KCTD5: variants seen among roughly 807,000 people sequenced by gnomAD.
KCTD5 encodes BTB/POZ domain-containing protein KCTD5.
KCTD5 carries 12 observed loss-of-function variants against 27.9 expected under a neutral mutation model. That is an observed-to-expected ratio of 0.43 (90% CI 0.28 to 0.70). KCTD5 has a LOEUF of 0.70. Among genes scored for constraint, KCTD5 ranks in the 30% least tolerant of loss-of-function variants. The pLI is 0.19. For synonymous variants in KCTD5, 147 were observed against 121.4 expected, an observed-to-expected ratio of 1.21 and a Z score of -1.39; for missense variants, 226 against 274.8, an observed-to-expected ratio of 0.82 and a Z score of 1.26.
intron 1 of KCTD5, among the ~76,000 whole-genome samples, chr16:2,688,218 TAAATAAATAA>T (rs1409782502): frequency 4.0e-4 from 27 of 67,520 alleles, no homozygotes; most frequent in Admixed American, 7.8e-4. Context: ...ATTAAATAAA[TAAATAAATAA>T]ATATATATAT....
intron 4 of KCTD5, among the ~76,000 whole-genome samples, chr16:2,701,363 C>G (rs1034554153): frequency 1.3e-5 from 2 of 152,312 alleles, no homozygotes; most frequent in South Asian, 4.1e-4. Flanking sequence ...TGGGACCCTG[C>G]GGGGTGCTGG....
At chr16:2,688,224 A>ATATATATAT (rs1567193086) in intron 1 of KCTD5, among the ~76,000 whole-genome samples, 11 of 79,570 alleles carry the variant, frequency 1.4e-4, no homozygotes, top group African/African-American at 4.3e-4. Context: ...TAAATAAATA[A>ATATATATAT]ATAAATATAT....
chr16:2,701,951 G>A (rs919346015), intron 4 of KCTD5, among the ~76,000 whole-genome samples: 1 of 152,190 alleles, frequency 6.6e-6, no homozygotes, highest in African/African-American at 2.4e-5. Flanking sequence ...CTCCTCCAGC[G>A]GCTTTCGGTC....
At chr16:2,705,485 TCGTGCCGCC>T (rs1166455262) in intron 5 of KCTD5, among the ~76,000 whole-genome samples, 4 of 152,126 alleles carry the variant, frequency 2.6e-5, no homozygotes, top group Non-Finnish European at 5.9e-5. Flanking sequence ...GGAGTGCCAC[TCGTGCCGCC>T]AGCCCTAGTG....
chr16:2,698,552 C>G (rs1233021696), intron 3 of KCTD5, among the ~76,000 whole-genome samples: 2 of 152,228 alleles, frequency 1.3e-5, no homozygotes, highest in Admixed American at 1.3e-4. Context: ...GGGGCCACTG[C>G]TGGGCCTTGG....
At chr16:2,682,944 C>A in intron 1 of KCTD5, 144 bp downstream of exon 1, 1 of 1,054,998 alleles carries the variant, frequency 9.5e-7, no homozygotes, top group Non-Finnish European at 1.3e-6. Context: ...TTGTCGCCAG[C>A]TCCTCCCCAG....
chr16:2,688,324 C>T (rs2067551377), intron 1 of KCTD5, among the ~76,000 whole-genome samples: 1 of 151,078 alleles, frequency 6.6e-6, no homozygotes, highest in Non-Finnish European at 1.5e-5. Context: ...GATCTCGGCT[C>T]ACTGCAACCT....
At chr16:2,691,358 C>A (rs1007876294) in intron 1 of KCTD5, among the ~76,000 whole-genome samples, 1 of 152,198 alleles carries the variant, frequency 6.6e-6, no homozygotes, top group Admixed American at 6.5e-5. Context: ...AAGAAACGGC[C>A]GGAGAGCTGT....
At chr16:2,702,601 C>A in intron 5 of KCTD5, 123 bp downstream of exon 5, 1 of 1,337,672 alleles carries the variant, frequency 7.5e-7, no homozygotes, top group Non-Finnish European at 1.0e-6. Context: ...GGTGGCCTTG[C>A]TGACTTCTTG....
At chr16:2,688,246 T>TA (rs1491214026) in intron 1 of KCTD5, among the ~76,000 whole-genome samples, 6,436 of 70,112 alleles carry the variant, frequency 0.092, 233 homozygotes, top group Admixed American at 0.2. Flanking sequence ...TATATATATA[T>TA]TTATTTATTT....
At chr16:2,704,747 C>T (rs1257652611) in intron 5 of KCTD5, among the ~76,000 whole-genome samples, 1 of 152,190 alleles carries the variant, frequency 6.6e-6, no homozygotes, top group Non-Finnish European at 1.5e-5. Context: ...CCTCCTGTGA[C>T]CCAGGGCCCC....
chr16:2,682,776 C>G lies in KCTD5; in HGVS notation c.228C>G (p.Ala76=), dbSNP rs889622120. The G allele has an allele frequency of 1.7e-5, 27 of 1,601,136 alleles. No individual in the cohort carries two copies. Among genetic ancestry groups the G allele is most frequent in the Non-Finnish European group, 2.0e-5 (23 of 1,174,944 alleles). The change falls in exon 1 of 6, where the codon GCC becomes GCG. Residue 76 remains alanine (A), a synonymous_variant. Transcript: ENST00000301738. ...PKSFLYRLCQ[A]DPDLDSDKDE... ...CCTTCCTGTACCGCTTATGCCAGGCCGATCCCGACCTGGACTCAGACAAGG... is the reference window on the plus strand; with the variant it reads ...CCTTCCTGTACCGCTTATGCCAGGCGGATCCCGACCTGGACTCAGACAAGG...
At chr16:2,698,451 G>A (rs918763210) in intron 3 of KCTD5, among the ~76,000 whole-genome samples, 7 of 152,334 alleles carry the variant, frequency 4.6e-5, no homozygotes, top group Admixed American at 3.3e-4. Context: ...GGGGCGGCTC[G>A]CCACAGACAC....
chr16:2,705,486 C>T (rs967445109), intron 5 of KCTD5, among the ~76,000 whole-genome samples: 9 of 152,144 alleles, frequency 5.9e-5, no homozygotes, highest in African/African-American at 1.4e-4. Context: ...GAGTGCCACT[C>T]GTGCCGCCAG....
At chr16:2,705,819 C>G (rs903088679) in intron 5 of KCTD5, among the ~76,000 whole-genome samples, 1 of 152,198 alleles carries the variant, frequency 6.6e-6, no homozygotes, top group African/African-American at 2.4e-5. Flanking sequence ...CTAGAGTAGC[C>G]CGTGCTGCTC....
intron 1 of KCTD5, chr16:2,684,467 C>T (rs1435593684): frequency 2.0e-5 from 3 of 151,994 alleles, no homozygotes; most frequent in Non-Finnish European, 4.4e-5. Flanking sequence ...TGCCCGGTCT[C>T]TACTAAAAAT....
At chr16:2,682,854 C>G (rs560663188) in intron 1 of KCTD5, 54 bp downstream of exon 1, 1 of 1,527,266 alleles carries the variant, frequency 6.5e-7, no homozygotes. Flanking sequence ...GCCTGCGGCT[C>G]CTGCACACGC....
At chr16:2,697,101 T>A (rs56693563) in intron 2 of KCTD5, 8,967 of 152,468 alleles carry the variant, frequency 0.059, 910 homozygotes, top group African/African-American at 0.21. Context: ...GCGGGACCCA[T>A]GCGGGGCCGG....
intron 1 of KCTD5, 138 bp downstream of exon 1, chr16:2,682,938 C>A (rs1407146004): frequency 1.8e-6 from 2 of 1,102,504 alleles, no homozygotes; most frequent in East Asian, 3.2e-5. Context: ...GCTCCCTTGT[C>A]GCCAGCTCCT....
Sources: allele counts gnomAD v4.1 joint callset (sites outside exome capture counted in the v4.1 genomes callset), GRCh38; gene constraint gnomAD v4.1.1; transcripts MANE v1.5; gene names NCBI Gene and HGNC (gene_info 2026-07-23, HGNC 2026-07-21).